LRRC36: variants seen among roughly 807,000 people sequenced by gnomAD.
The protein encoded by LRRC36 is leucine-rich repeat-containing protein 36.
Under a neutral mutation model 81.1 loss-of-function variants are expected in LRRC36, and 62 were observed. The ratio of observed to expected loss-of-function variants is 0.76; its 90% CI spans 0.62 to 0.94. The LOEUF is 0.94. Ranked by LOEUF, LRRC36 falls within the 40% of genes least tolerant of loss-of-function variation. The pLI is 0.00. For synonymous variants in LRRC36, 334 were observed against 348.6 expected (o/e 0.96, Z 0.47); for missense variants, 761 against 881.7 (o/e 0.86, Z 1.73).
chr16:67,356,579 C>A (rs2038913121), intron 5 of LRRC36, among the ~76,000 whole-genome samples: 1 of 152,144 alleles, frequency 6.6e-6, no homozygotes, highest in Admixed American at 6.5e-5. Context: ...TGGGGGTAGG[C>A]AGACAAGGAC....
chr16:67,346,098 T>G (rs1470298530), intron 2 of LRRC36, among the ~76,000 whole-genome samples, 158 bp from the exon 3 acceptor site: 1 of 152,184 alleles, frequency 6.6e-6, no homozygotes, highest in Non-Finnish European at 1.5e-5. Context: ...AGTGGTCTTA[T>G]TTTCGGACAA....
intron 1 of LRRC36, among the ~76,000 whole-genome samples, chr16:67,329,744 C>A (rs1454131909): frequency 1.3e-5 from 2 of 151,882 alleles, no homozygotes; most frequent in African/African-American, 4.8e-5. Context: ...ATGGTGAAAC[C>A]CCATCTCTAT....
At chr16:67,353,382 TTTTTG>T (rs774375602) in intron 5 of LRRC36, among the ~76,000 whole-genome samples, 1 of 152,010 alleles carries the variant, frequency 6.6e-6, no homozygotes, top group Non-Finnish European at 1.5e-5. Context: ...TTTGTTTTTG[TTTTTG>T]TTTTGTTTTG....
chr16:67,345,778 A>G (rs1475822529), intron 2 of LRRC36, among the ~76,000 whole-genome samples: 1 of 151,080 alleles, frequency 6.6e-6, no homozygotes, highest in Non-Finnish European at 1.5e-5. Flanking sequence ...ATACACACAC[A>G]CACACTTTTT....
rs2039441496 is a variant in LRRC36, at chr16:67,367,292, C to T, written c.1030C>T (p.His344Tyr). 1.9e-6 allele frequency: 3 copies of T among 1,614,062 alleles called. No homozygotes were observed. Among genetic ancestry groups the T allele is most frequent in the Non-Finnish European group, 2.5e-6 (3 of 1,180,034 alleles). The change falls in exon 8 of 14, where the codon CAT becomes TAT. Residue 344 changes from histidine (H) to tyrosine (Y), a missense_variant. By Grantham distance (83) the His-to-Tyr change is moderately conservative. Coordinates refer to ENST00000329956, the MANE Select transcript of LRRC36 (RefSeq NM_018296.6). ...DSCYSQTLSL[H>Y]GSLGKRPQRS... ...TTGTTATTCTCAAACTCTATCCCTG[C>T]ATGGAAGTCTTGGTAAAAGGCCTCA...
intron 5 of LRRC36, among the ~76,000 whole-genome samples, chr16:67,352,296 A>C (rs1324812322): frequency 6.6e-6 from 1 of 152,222 alleles, no homozygotes; most frequent in African/African-American, 2.4e-5. Flanking sequence ...GAGTGTTGCC[A>C]GTAAGCACTG....
At chr16:67,342,176 A>T (rs980573233) in intron 2 of LRRC36, 92 bp downstream of exon 2, 1 of 822,300 alleles carries the variant, frequency 1.2e-6, no homozygotes, top group African/African-American at 1.7e-5. Flanking sequence ...CCTGGGGAAT[A>T]TAAGACCTTC....
intron 6 of LRRC36, 64 bp from the exon 7 acceptor site, chr16:67,365,240 C>G: frequency 9.8e-7 from 1 of 1,022,926 alleles, no homozygotes; most frequent in Admixed American, 1.9e-5. Context: ...AACCCCTAGT[C>G]TAATAAGCTC....
chr16:67,353,534 G>T (rs1213156293), intron 5 of LRRC36, among the ~76,000 whole-genome samples: 1 of 151,902 alleles, frequency 6.6e-6, no homozygotes, highest in Non-Finnish European at 1.5e-5. Context: ...TTACAGGTGC[G>T]CACCAACATG....
rs775326917 is a variant in LRRC36, at chr16:67,375,393, C to T, written c.1641C>T (p.Leu547=). ...ACTGGAATGGCTCCGGCTCCCTCCT[C>T]CTCAACAAGAAGTTTCTCGGTGAGT... The part of the protein sequence containing the change: ...DKHWNGSGSL[L]LNKKFLGPAR... Residue 547 remains leucine, a synonymous_variant, in exon 10 of 14, where the codon CTC becomes CTT. Transcript: ENST00000329956. The T allele has an allele frequency of 3.8e-6, 6 of 1,584,122 alleles. No homozygotes were observed. Among genetic ancestry groups the T allele is most frequent in the Admixed American group, 1.9e-5 (1 of 52,164 alleles).
rs1308051656 is a variant in LRRC36, at chr16:67,365,347, A to C, written c.746A>C (p.Gln249Pro). ...ARREMPSDNHQEDEFRHYSPR... is the reference protein window; with the variant it reads ...ARREMPSDNHPEDEFRHYSPR... The stretch of plus-strand genomic sequence containing the variant: ...AGGGAGATGCCAAGTGACAATCACC[A>C]GGAAGATGGTAAATATTTTGCTCAC... The change falls in exon 7 of 14, where the codon CAG (glutamine) becomes CCG (proline). Residue 249 changes from glutamine to proline, a missense_variant. By Grantham distance (76) the Gln-to-Pro change is moderately conservative. Coordinates refer to ENST00000329956, the MANE Select transcript of LRRC36 (RefSeq NM_018296.6). 1 of 1,613,314 alleles carries C rather than the reference A, an allele frequency of 6.2e-7. No individual in the cohort carries two copies. Among genetic ancestry groups the C allele is most frequent in the Admixed American group, 1.7e-5 (1 of 59,836 alleles).
chr16:67,366,838 G>C (rs2039418265), intron 7 of LRRC36, among the ~76,000 whole-genome samples, 179 bp from the exon 8 acceptor site: 1 of 151,986 alleles, frequency 6.6e-6, no homozygotes, highest in Non-Finnish European at 1.5e-5. Context: ...TGGTGGTGGT[G>C]GTGTTCCATG....
In LRRC36 at chr16:67,352,642, C is replaced by T. The variant is rs537127459; in HGVS notation, c.577+2352C>T. On this transcript the variant is annotated intron_variant, in intron 5 of 13. Transcript: ENST00000329956. ...GCCTTATTTATAAATAAATAAATGT[C>T]TTATTTATTTATTTATTTATTTATT... Among the ~76,000 whole-genome samples the T allele has an allele frequency of 1.6e-3, 229 of 142,858 alleles. 1 individual carries two copies. Among genetic ancestry groups the T allele is most frequent in the South Asian group, 4.3e-3 (19 of 4,410 alleles). 93.7% of individuals were successfully genotyped at this position (142,858 alleles called of 152,430 possible).
Position 67,385,183 on chromosome 16 carries a change from A to G in LRRC36, c.*94A>G. ...TGGTGGTATGTACTCACAAAGATTAAGAAAGAAATGTATTCTGATTAGATT... is the reference window on the plus strand; with the variant it reads ...TGGTGGTATGTACTCACAAAGATTAGGAAAGAAATGTATTCTGATTAGATT... On this transcript the variant is annotated 3_prime_UTR_variant, in exon 14 of 14. Transcript: ENST00000329956. 1.1e-6 allele frequency: 1 copy of G among 877,082 alleles called. No individual in the cohort carries two copies. 54.3% of individuals were successfully genotyped at this position (877,082 alleles called of 1,614,324 possible). A position where few individuals can be genotyped will look rare whatever the true frequency, so the allele number is the denominator to read the frequency against.
intron 7 of LRRC36, among the ~76,000 whole-genome samples, chr16:67,366,316 T>C (rs1216787425): frequency 1.3e-5 from 2 of 151,950 alleles, no homozygotes; most frequent in African/African-American, 4.8e-5. Flanking sequence ...CCTGGCTAAT[T>C]AAAAAAATTT....
intron 8 of LRRC36, 127 bp downstream of exon 8, chr16:67,367,584 C>CTA: frequency 1.2e-6 from 1 of 832,464 alleles, no homozygotes; most frequent in Non-Finnish European, 1.9e-6. Context: ...TTAGGGTCAC[C>CTA]AGTGGTTCTT....
At chr16:67,378,773 A>G in intron 12 of LRRC36, 61 bp downstream of exon 12, 1 of 1,566,040 alleles carries the variant, frequency 6.4e-7, no homozygotes, top group Non-Finnish European at 8.7e-7. Flanking sequence ...TTTATAGATG[A>G]CCCATTTAGT....
rs748958421 is a variant in LRRC36 at position 67,326,928 on chromosome 16, G to A, written c.66G>A (p.Gln22=). ...GCCTGGGGGCGCTGACGCTGGAGCA[G>A]CCGGGTAGGGTCTGGCCGGGAGGGT... ...IRRLGALTLE[Q]PELVESLSLQ... is the part of the protein sequence containing the mutation. Residue 22 remains glutamine, a synonymous_variant, in exon 1 of 14, where the codon CAG becomes CAA. Transcript: ENST00000329956. 15 of 1,497,738 alleles carry A rather than the reference G, an allele frequency of 1.0e-5. No individual in the cohort carries two copies. Among genetic ancestry groups the A allele is most frequent in the Non-Finnish European group, 1.3e-5 (15 of 1,134,954 alleles). 92.8% of individuals were successfully genotyped at this position (1,497,738 alleles called of 1,614,324 possible). A position where few individuals can be genotyped will look rare whatever the true frequency, so the allele number is the denominator to read the frequency against.
rs1239237650 is a variant in LRRC36, at chr16:67,371,097, TG to T, written c.1350del (p.Leu451CysfsTer18). Reference sequence around the variant, plus strand: ...AACAGGACAACTCCTCTGCGGACACTGCTGTTGTCTCCTGGGACTTCAGAAC... The same window carrying T: ...AACAGGACAACTCCTCTGCGGACACTCTGTTGTCTCCTGGGACTTCAGAAC... Reference protein sequence around the residue: ...LGNRTTPLRTLLLSPGTSEHR... With the variant: ...LGNRTTPLRTXLLSPGTSEHR... On this transcript the variant is annotated frameshift_variant, in exon 9 of 14. Transcript: ENST00000329956. LOFTEE classifies it high-confidence loss of function. 1.2e-6 allele frequency: 2 copies of T among 1,614,218 alleles called. No homozygotes were observed. Among genetic ancestry groups the T allele is most frequent in the Non-Finnish European group, 1.7e-6 (2 of 1,180,032 alleles).
Sources: allele counts gnomAD v4.1 joint callset (sites outside exome capture counted in the v4.1 genomes callset), GRCh38; gene constraint gnomAD v4.1.1; transcripts MANE v1.5; gene names NCBI Gene and HGNC (gene_info 2026-07-23, HGNC 2026-07-21).